Variants in DISC1 observed in about 807,000 individuals in gnomAD.
DISC1 encodes the protein disrupted in schizophrenia 1 protein.
Under a neutral mutation model 84.5 loss-of-function variants are expected in DISC1, and 57 were observed. That is an observed-to-expected ratio of 0.67 (90% confidence interval 0.55 to 0.84). The LOEUF (loss-of-function observed/expected upper bound fraction) is 0.84. DISC1 is among the 40% of genes least tolerant of loss of function. DISC1 has a pLI of 0.00. For missense variants in DISC1, 1,000 were observed against 1,057.8 expected, an observed-to-expected ratio of 0.95 and a Z score of 0.76; for synonymous variants, 411 against 415.2, an observed-to-expected ratio of 0.99 and a Z score of 0.12.
intron 9 of DISC1, among the ~76,000 whole-genome samples, chr1:231,853,370 A>T (rs1435567837): frequency 6.6e-6 from 1 of 152,184 alleles, no homozygotes; most frequent in Non-Finnish European, 1.5e-5. Context: ...CTACTACTCC[A>T]CACCCAGGCT....
chr1:231,788,560 G>A (rs2078066000), intron 6 of DISC1, among the ~76,000 whole-genome samples: 1 of 152,114 alleles, frequency 6.6e-6, no homozygotes, highest in Admixed American at 6.6e-5. Context: ...TGGAGGTCAG[G>A]ACATCAACAT....
At chr1:231,880,042 G>A (rs1296461781) in intron 9 of DISC1, among the ~76,000 whole-genome samples, 1 of 152,212 alleles carries the variant, frequency 6.6e-6, no homozygotes, top group Non-Finnish European at 1.5e-5. Context: ...AGTATTGAGA[G>A]CTGGGGCCTA....
At chr1:231,947,777 C>T (rs895817169) in intron 9 of DISC1, among the ~76,000 whole-genome samples, 2 of 152,014 alleles carry the variant, frequency 1.3e-5, no homozygotes, top group Admixed American at 1.3e-4. Context: ...AACAAATAGC[C>T]CCATCAAAAA....
chr1:231,632,605 G>T (rs1005232286), intron 1 of DISC1, among the ~76,000 whole-genome samples: 1 of 152,216 alleles, frequency 6.6e-6, no homozygotes, highest in Non-Finnish European at 1.5e-5. Flanking sequence ...GGTGAGAAAA[G>T]TGAGAAACAG....
chr1:231,807,166 C>T (rs1449134750), intron 8 of DISC1, among the ~76,000 whole-genome samples: 5 of 152,242 alleles, frequency 3.3e-5, no homozygotes, highest in Admixed American at 6.5e-5. Flanking sequence ...TTGTGAGACA[C>T]GGTCCTATAT....
At chr1:231,633,846 T>C (rs1339259139) in intron 1 of DISC1, among the ~76,000 whole-genome samples, 1 of 152,164 alleles carries the variant, frequency 6.6e-6, no homozygotes, top group Non-Finnish European at 1.5e-5. Context: ...TTTTGTGACA[T>C]GTACGCCTAC....
At chr1:231,662,587 A>G (rs2061650957) in intron 1 of DISC1, among the ~76,000 whole-genome samples, 1 of 152,224 alleles carries the variant, frequency 6.6e-6, no homozygotes, top group Non-Finnish European at 1.5e-5. Flanking sequence ...GACCATTTGT[A>G]TTCTCCAAAG....
intron 1 of DISC1, among the ~76,000 whole-genome samples, chr1:231,631,664 A>G (rs1024221071): frequency 3.3e-5 from 5 of 152,232 alleles, no homozygotes; most frequent in Admixed American, 2.0e-4. Context: ...TAATAAGGAT[A>G]TAAAGAAAAA....
At chr1:231,763,751 A>G (rs1457098371) in intron 4 of DISC1, among the ~76,000 whole-genome samples, 2 of 152,108 alleles carry the variant, frequency 1.3e-5, no homozygotes, top group African/African-American at 4.8e-5. Context: ...GCAATTGCCC[A>G]TTTCTTCATT....
At chr1:231,692,100 T>C (rs2065101219) in intron 1 of DISC1, among the ~76,000 whole-genome samples, 2 of 152,222 alleles carry the variant, frequency 1.3e-5, no homozygotes, top group South Asian at 4.1e-4. Flanking sequence ...AAATCCGGGC[T>C]TTGGGAAACC....
intron 10 of DISC1, among the ~76,000 whole-genome samples, chr1:231,972,683 C>T (rs1168322883): frequency 6.6e-6 from 1 of 152,220 alleles, no homozygotes; most frequent in Non-Finnish European, 1.5e-5. Context: ...AAATCTCCAG[C>T]TCTGACTGTT....
intron 3 of DISC1, among the ~76,000 whole-genome samples, chr1:231,746,769 GT>G (rs2074028698): frequency 6.6e-6 from 1 of 152,066 alleles, no homozygotes; most frequent in African/African-American, 2.4e-5. Flanking sequence ...TTTGAGAAAT[GT>G]CTGTTCGGAT....
At chr1:231,969,148 G>A (rs1037716652) in intron 10 of DISC1, among the ~76,000 whole-genome samples, 10 of 148,354 alleles carry the variant, frequency 6.7e-5, no homozygotes, top group Middle Eastern at 3.7e-3. Context: ...CCTCCATTAA[G>A]GATCTGCCAA....
intron 2 of DISC1, among the ~76,000 whole-genome samples, chr1:231,695,123 G>A (rs1204671171): frequency 6.6e-6 from 1 of 152,188 alleles, no homozygotes; most frequent in African/African-American, 2.4e-5. Flanking sequence ...ACAGGAAACT[G>A]GGGGCAGGGG....
At chr1:231,888,390 C>T (rs555096054) in intron 9 of DISC1, among the ~76,000 whole-genome samples, 24 of 151,996 alleles carry the variant, frequency 1.6e-4, no homozygotes, top group Admixed American at 3.3e-4. Flanking sequence ...GGGAGGGAGA[C>T]GAGAGGTGCC....
chr1:231,919,961 G>A (rs569690521), intron 9 of DISC1, among the ~76,000 whole-genome samples: 2 of 152,178 alleles, frequency 1.3e-5, no homozygotes, highest in East Asian at 3.9e-4. Flanking sequence ...CCTCTCTCGG[G>A]CAGAGCTTCT....
chr1:231,923,104 C>T (rs1435521695), intron 9 of DISC1, among the ~76,000 whole-genome samples: 2 of 151,588 alleles, frequency 1.3e-5, no homozygotes, highest in East Asian at 1.9e-4. Flanking sequence ...GGTGAAACCC[C>T]GTCTCTACTA....
intron 8 of DISC1, among the ~76,000 whole-genome samples, chr1:231,807,364 C>T (rs2079820875): frequency 6.6e-6 from 1 of 152,230 alleles, no homozygotes; most frequent in Admixed American, 6.5e-5. Flanking sequence ...CATGCACTTC[C>T]AGCTCCAGCC....
intron 8 of DISC1, among the ~76,000 whole-genome samples, chr1:231,800,634 C>T (rs947610628): frequency 6.6e-6 from 1 of 152,120 alleles, no homozygotes; most frequent in African/African-American, 2.4e-5. Context: ...ATTATGCTCC[C>T]TCTTACTCTG....
Sources: allele counts gnomAD v4.1 joint callset (sites outside exome capture counted in the v4.1 genomes callset), GRCh38; gene constraint gnomAD v4.1.1; transcripts MANE v1.5; gene names NCBI Gene and HGNC (gene_info 2026-07-23, HGNC 2026-07-21).